ADAMTSL1: variants seen among roughly 807,000 people sequenced by gnomAD.
ADAMTSL1 encodes ADAMTS-like protein 1.
Under a neutral mutation model 201.8 loss-of-function variants are expected in ADAMTSL1, and 126 were observed. The ratio of observed to expected loss-of-function variants is 0.62; its 90% confidence interval spans 0.54 to 0.72. The LOEUF (loss-of-function observed/expected upper bound fraction) is 0.72, where lower values mean the gene tolerates loss of function less well. Among genes scored for constraint, ADAMTSL1 ranks in the 30% least tolerant of loss-of-function variants. The probability of loss-of-function intolerance (pLI) is 0.00; values close to 1 mark genes in which losing one functional copy is unlikely to be tolerated. For missense variants in ADAMTSL1, 2,679 were observed against 2,277.8 expected (o/e 1.18, Z -3.59); for synonymous variants, 1,121 against 903.4 (o/e 1.24, Z -4.32).
At chr9:18,516,671 C>T (rs1818381711) in intron 2 of ADAMTSL1, among the ~76,000 whole-genome samples, 2 of 152,162 alleles carry the variant, frequency 1.3e-5, no homozygotes, top group Non-Finnish European at 2.9e-5. Flanking sequence ...ATTTTAGTTT[C>T]TCTGGGATTT....
intron 1 of ADAMTSL1, among the ~76,000 whole-genome samples, chr9:17,987,818 A>G (rs1201747988): frequency 6.6e-6 from 1 of 151,990 alleles, no homozygotes; most frequent in Non-Finnish European, 1.5e-5. Context: ...TTAAATGCAG[A>G]CTCAGTCAGC....
At chr9:18,406,289 T>TTTTTCTTTTCTTTCCTTTTC (rs1554673584) in intron 2 of ADAMTSL1, among the ~76,000 whole-genome samples, 1 of 117,438 alleles carries the variant, frequency 8.5e-6, no homozygotes, top group Non-Finnish European at 1.7e-5. Context: ...ATAAGACAGT[T>TTTTTCTTTTCTTTCCTTTTC]TTTTCTTTTC....
chr9:18,274,174 C>T (rs903988316), intron 2 of ADAMTSL1, among the ~76,000 whole-genome samples: 3 of 152,142 alleles, frequency 2.0e-5, no homozygotes, highest in African/African-American at 4.8e-5. Flanking sequence ...CTGATTATTC[C>T]AGGTGTGTCA....
chr9:18,646,390 C>G (rs1188377681), intron 7 of ADAMTSL1, among the ~76,000 whole-genome samples: 1 of 151,846 alleles, frequency 6.6e-6, no homozygotes, highest in Non-Finnish European at 1.5e-5. Flanking sequence ...TTTCCTTCTC[C>G]TGCCTAATTG....
chr9:18,154,654 GA>G (rs1247679137), intron 1 of ADAMTSL1, among the ~76,000 whole-genome samples: 1 of 152,118 alleles, frequency 6.6e-6, no homozygotes, highest in Non-Finnish European at 1.5e-5. Flanking sequence ...TCAGCAGTCT[GA>G]TTCTCTTCCC....
intron 2 of ADAMTSL1, among the ~76,000 whole-genome samples, chr9:18,269,105 G>A (rs1334576163): frequency 6.6e-6 from 1 of 151,966 alleles, no homozygotes; most frequent in Admixed American, 6.6e-5. Context: ...TTAATTTTTA[G>A]TAAGCATTTA....
intron 14 of ADAMTSL1, among the ~76,000 whole-genome samples, chr9:18,712,145 G>GA (rs1429555333): frequency 5.3e-5 from 8 of 152,068 alleles, no homozygotes; most frequent in Admixed American, 1.3e-4. Context: ...CAAAGATGGG[G>GA]AAAAAAACAG....
At chr9:18,584,371 C>T (rs929061780) in intron 4 of ADAMTSL1, among the ~76,000 whole-genome samples, 6 of 152,030 alleles carry the variant, frequency 3.9e-5, no homozygotes, top group Non-Finnish European at 5.9e-5. Context: ...TGTGAGGCCC[C>T]CCCCAGCCAC....
At chr9:18,578,945 A>G (rs1051908287) in intron 4 of ADAMTSL1, among the ~76,000 whole-genome samples, 2 of 151,142 alleles carry the variant, frequency 1.3e-5, no homozygotes, top group South Asian at 4.2e-4. Context: ...ATGATATCTC[A>G]TAGTGGTTTT....
At chr9:18,483,208 T>A (rs1433878360) in intron 1 of ADAMTSL1, among the ~76,000 whole-genome samples, 5 of 152,222 alleles carry the variant, frequency 3.3e-5, no homozygotes, top group Non-Finnish European at 7.3e-5. Flanking sequence ...ATGTGTTTGT[T>A]TGAATAAATT....
At chr9:18,465,926 T>C (rs993217073) in intron 2 of ADAMTSL1, among the ~76,000 whole-genome samples, 4 of 152,120 alleles carry the variant, frequency 2.6e-5, no homozygotes, top group African/African-American at 9.7e-5. Flanking sequence ...TTTTGTTTTT[T>C]TTTTAGTAGA....
At chr9:18,628,724 GTC>G (rs1199663392) in intron 5 of ADAMTSL1, among the ~76,000 whole-genome samples, 2 of 152,220 alleles carry the variant, frequency 1.3e-5, no homozygotes, top group East Asian at 3.9e-4. Context: ...AGAATTTTAT[GTC>G]TCTGTTTACT....
At chr9:18,846,132 CATCT>C (rs1826091539) in intron 23 of ADAMTSL1, among the ~76,000 whole-genome samples, 1 of 152,168 alleles carries the variant, frequency 6.6e-6, no homozygotes, top group South Asian at 2.1e-4. Context: ...AAGTATTGAG[CATCT>C]ATTTACTATA....
chr9:18,811,596 A>C (rs1823513139), intron 20 of ADAMTSL1, among the ~76,000 whole-genome samples: 1 of 152,250 alleles, frequency 6.6e-6, no homozygotes, highest in African/African-American at 2.4e-5. Context: ...CCTGCTCCCA[A>C]GCCTGAGTGG....
At chr9:18,500,983 G>T (rs2131905505) in intron 1 of ADAMTSL1, among the ~76,000 whole-genome samples, 1 of 152,266 alleles carries the variant, frequency 6.6e-6, no homozygotes, top group African/African-American at 2.4e-5. Flanking sequence ...TTCCTTTTGA[G>T]ACATTGAATT....
At chr9:18,576,579 ATAGC>A (rs1822744178) in intron 4 of ADAMTSL1, among the ~76,000 whole-genome samples, 1 of 152,214 alleles carries the variant, frequency 6.6e-6, no homozygotes, top group East Asian at 1.9e-4. Flanking sequence ...GAGCCAGAAG[ATAGC>A]TTAGCAACTC....
intron 19 of ADAMTSL1, among the ~76,000 whole-genome samples, chr9:18,778,409 A>G (rs1010024162): frequency 6.6e-6 from 1 of 152,244 alleles, no homozygotes; most frequent in Non-Finnish European, 1.5e-5. Context: ...TGTTTGTTCC[A>G]GAAAGCTTTT....
At chr9:18,379,631 T>C (rs1490536947) in intron 2 of ADAMTSL1, among the ~76,000 whole-genome samples, 3 of 152,164 alleles carry the variant, frequency 2.0e-5, no homozygotes, top group African/African-American at 4.8e-5. Context: ...AGGAAGCTGA[T>C]TGGGCTGACG....
intron 7 of ADAMTSL1, among the ~76,000 whole-genome samples, chr9:18,645,134 G>A (rs1252998551): frequency 1.3e-5 from 2 of 152,126 alleles, no homozygotes; most frequent in African/African-American, 4.8e-5. Flanking sequence ...TTCTCTGAGG[G>A]CCAGTGATGA....
Sources: allele counts gnomAD v4.1 joint callset (sites outside exome capture counted in the v4.1 genomes callset), GRCh38; gene constraint gnomAD v4.1.1; transcripts MANE v1.5; gene names NCBI Gene and HGNC (gene_info 2026-07-23, HGNC 2026-07-21).